The following SGPL1 variants were observed in gnomAD, a reference collection of about 807,000 sequenced individuals.
SGPL1 encodes sphingosine-1-phosphate lyase 1.
A neutral mutation model predicts 68.9 loss-of-function variants in SGPL1; 37 were observed. The ratio of observed to expected loss-of-function variants is 0.54; its 90% CI spans 0.41 to 0.71. The LOEUF is 0.71. Ranked by LOEUF, SGPL1 falls within the 30% of genes least tolerant of loss-of-function variation. SGPL1 has a pLI of 0.00. For missense variants in SGPL1, 551 were observed against 704.6 expected (o/e 0.78, Z 2.47); for synonymous variants, 236 against 248.5 (o/e 0.95, Z 0.47).
At chr10:70,817,807 C>T (rs1845263240) in intron 2 of SGPL1, among the ~76,000 whole-genome samples, 1 of 152,158 alleles carries the variant, frequency 6.6e-6, no homozygotes, top group Non-Finnish European at 1.5e-5. Flanking sequence ...TAGCATGGTG[C>T]TCTGAATATA....
chr10:70,844,424 C>T (rs2131884773), intron 2 of SGPL1, 49 bp from the exon 3 acceptor site: 1 of 1,550,098 alleles, frequency 6.5e-7, no homozygotes, highest in South Asian at 1.2e-5. Flanking sequence ...GAACAGACTT[C>T]TTTTCTCTCT....
Position 70,869,908 on chromosome 10 carries a change from C to T in SGPL1, c.810+11C>T. On this transcript the variant is annotated intron_variant, in intron 9 of 14. Coordinates refer to ENST00000373202, the MANE Select transcript of SGPL1 (RefSeq NM_003901.4). ...GAGGTGGATGTGCGGGTGAGTCCCT[C>T]TGGAGGGCCCACTGTCTGTGCTGGG... 6.2e-7 allele frequency: 1 copy of T among 1,608,480 alleles called. No individual in the cohort carries two copies. Among genetic ancestry groups the T allele is most frequent in the Non-Finnish European group, 8.5e-7 (1 of 1,175,338 alleles).
At chr10:70,833,141 C>G (rs924011727) in intron 2 of SGPL1, among the ~76,000 whole-genome samples, 2 of 152,170 alleles carry the variant, frequency 1.3e-5, no homozygotes, top group Admixed American at 1.3e-4. Flanking sequence ...TGTGTTCTTT[C>G]TGTGGCCAAG....
At chr10:70,853,033 C>A (rs1845912126) in intron 4 of SGPL1, among the ~76,000 whole-genome samples, 1 of 152,204 alleles carries the variant, frequency 6.6e-6, no homozygotes, top group African/African-American at 2.4e-5. Context: ...ACCTCTCTGT[C>A]ACTTTTTGTC....
intron 2 of SGPL1, among the ~76,000 whole-genome samples, chr10:70,839,577 T>C (rs1489877225): frequency 6.6e-6 from 1 of 152,224 alleles, no homozygotes; most frequent in East Asian, 1.9e-4. Flanking sequence ...ATGAAATAAT[T>C]TACCTGGAGT....
chr10:70,843,886 A>G lies in SGPL1; in HGVS notation c.28-587A>G, dbSNP rs181271547. ...TTTATGAACATGAAAATTATATGAA[A>G]TTCAAGTTTTGGTGTCTGTAATTAC... On this transcript the variant is annotated intron_variant, in intron 2 of 14. Transcript: ENST00000373202. 3.3e-5 allele frequency among the ~76,000 whole-genome samples: 5 copies of G among 152,338 alleles called. No homozygotes were observed. The East Asian group carries it at 9.6e-4, about 29-fold the overall frequency.
At position 70,854,768 on chromosome 10, in the gene SGPL1, G is replaced by T; in HGVS notation, c.322G>T (p.Val108Leu). ...TAGCAAGAACATGTCATTCCTGAAA[G>T]TGGACAAAGAGTATGTGAAAGCTTT... ...DISKNMSFLK[V>L]DKEYVKALPS... The change falls in exon 5 of 15, where the codon GTG (valine) becomes TTG (leucine). Residue 108 changes from valine (V) to leucine (L), a missense_variant. Physicochemically the swap from Val to Leu is conservative, Grantham distance 32. Coordinates refer to ENST00000373202, the MANE Select transcript of SGPL1 (RefSeq NM_003901.4). The T allele has an allele frequency of 6.2e-7, 1 of 1,613,958 alleles. No individual in the cohort carries two copies. Among genetic ancestry groups the T allele is most frequent in the African/African-American group, 1.3e-5 (1 of 75,032 alleles).
chr10:70,824,496 T>A (rs572985550), intron 2 of SGPL1, among the ~76,000 whole-genome samples: 1 of 152,216 alleles, frequency 6.6e-6, no homozygotes, highest in Non-Finnish European at 1.5e-5. Flanking sequence ...ATTACAAAGA[T>A]TGAACTTCAT....
intron 2 of SGPL1, among the ~76,000 whole-genome samples, chr10:70,820,772 CAAA>C (rs879758544): frequency 7.4e-6 from 1 of 134,984 alleles, no homozygotes; most frequent in Admixed American, 7.4e-5. Context: ...GAGACTGTCT[CAAA>C]AAAAAAAAAA....
rs1211689683 is a variant in SGPL1 at position 70,827,495 on chromosome 10, A to T, written c.27+10615A>T. Among the ~76,000 whole-genome samples the T allele has an allele frequency of 3.3e-5, 5 of 152,222 alleles. 1 individual carries two copies. The highest frequency in any genetic ancestry group is 1.5e-5 in the Non-Finnish European group (1 of 68,036). ...ATTTGCTTTTTGACATAATATAGCT[A>T]CATCAGCTTTTTGTCATGAAATAGG... On this transcript the variant is annotated intron_variant, in intron 2 of 14. Transcript: ENST00000373202.
intron 4 of SGPL1, among the ~76,000 whole-genome samples, chr10:70,851,463 C>T (rs926101821): frequency 3.9e-5 from 6 of 151,946 alleles, no homozygotes; most frequent in Non-Finnish European, 5.9e-5. Context: ...AGCCCCCCCC[C>T]ACCCACCAAA....
chr10:70,862,078 C>T (rs535827078), intron 7 of SGPL1, among the ~76,000 whole-genome samples: 1 of 150,264 alleles, frequency 6.7e-6, no homozygotes, highest in African/African-American at 2.4e-5. Context: ...GCAGCTCCAC[C>T]CGCAGCCCCG....
chr10:70,825,589 G>T (rs1372178803), intron 2 of SGPL1, among the ~76,000 whole-genome samples: 3 of 152,166 alleles, frequency 2.0e-5, no homozygotes, highest in Non-Finnish European at 4.4e-5. Flanking sequence ...CACAGCTTTG[G>T]CAAGCCCAAA....
rs774918873 is a variant in SGPL1, at chr10:70,857,657, T to C, written c.453T>C (p.Ser151=). Residue 151 remains serine, a synonymous_variant, in exon 6 of 15, where the codon AGT becomes AGC. Transcript: ENST00000373202. ...QEGRASGTVY[S]GEEKLTELLV... ...GGAGAGCCTCTGGAACAGTGTACAGTGGGGAGGAGAAGCTCACTGAGCTCC... is the reference window on the plus strand; with the variant it reads ...GGAGAGCCTCTGGAACAGTGTACAGCGGGGAGGAGAAGCTCACTGAGCTCC... 15 of 1,612,898 alleles carry C rather than the reference T, an allele frequency of 9.3e-6. No homozygotes were observed. Among genetic ancestry groups the C allele is most frequent in the Admixed American group, 1.7e-5 (1 of 59,886 alleles).
intron 2 of SGPL1, among the ~76,000 whole-genome samples, chr10:70,835,865 A>G (rs1312095184): frequency 6.6e-6 from 1 of 152,194 alleles, no homozygotes; most frequent in African/African-American, 2.4e-5. Flanking sequence ...TAAAATCATT[A>G]GGGCATTACT....
intron 2 of SGPL1, among the ~76,000 whole-genome samples, chr10:70,835,291 T>G (rs1190042759): frequency 6.6e-6 from 1 of 152,182 alleles, no homozygotes; most frequent in Non-Finnish European, 1.5e-5. Flanking sequence ...GTTCATATAT[T>G]AAAATTATTT....
At chr10:70,868,300 G>T in intron 7 of SGPL1, 45 bp from the exon 8 acceptor site, 1 of 1,368,118 alleles carries the variant, frequency 7.3e-7, no homozygotes, top group South Asian at 1.3e-5. Context: ...AAGAGCCGGG[G>T]CATTCCTGAC....
At chr10:70,817,217 C>A (rs925301443) in intron 2 of SGPL1, among the ~76,000 whole-genome samples, 1 of 152,104 alleles carries the variant, frequency 6.6e-6, no homozygotes. Flanking sequence ...ACGGGGTTCT[C>A]CATGTTGGCC....
chr10:70,865,984 A>G (rs10823631), intron 7 of SGPL1, among the ~76,000 whole-genome samples: 48,744 of 152,134 alleles, frequency 0.32, 8,013 homozygotes, highest in East Asian at 0.36. Context: ...TGAGGCCTCC[A>G]TTTTCTTACT....
Sources: allele counts gnomAD v4.1 joint callset (sites outside exome capture counted in the v4.1 genomes callset), GRCh38; gene constraint gnomAD v4.1.1; transcripts MANE v1.5; gene names NCBI Gene and HGNC (gene_info 2026-07-23, HGNC 2026-07-21).